Variants in DLG2 observed in about 807,000 individuals in gnomAD.
The protein encoded by DLG2 is disks large homolog 2.
In DLG2, 45 loss-of-function variants were observed where a neutral mutation model predicts 132.5. The ratio of observed to expected loss-of-function variants is 0.34; its 90% CI spans 0.27 to 0.44. The LOEUF (loss-of-function observed/expected upper bound fraction) is 0.44, where lower values mean the gene tolerates loss of function less well. Among genes scored for constraint, DLG2 ranks in the 20% least tolerant of loss-of-function variants. DLG2 has a pLI of 1.00. For synonymous variants in DLG2, 424 were observed against 419.6 expected (o/e 1.01, Z -0.13); for missense variants, 1,045 against 1,196.9 (o/e 0.87, Z 1.87).
chr11:85,547,901 G>A (rs2076429974), intron 3 of DLG2, among the ~76,000 whole-genome samples: 1 of 151,968 alleles, frequency 6.6e-6, no homozygotes, highest in Non-Finnish European at 1.5e-5. Flanking sequence ...CTTTTTCAAG[G>A]TTCTTAGCTT....
At chr11:84,452,792 G>C (rs1397311319) in intron 7 of DLG2, among the ~76,000 whole-genome samples, 1 of 151,576 alleles carries the variant, frequency 6.6e-6, no homozygotes, top group African/African-American at 2.4e-5. Flanking sequence ...CTGGTATGGT[G>C]GTGTGCACCT....
At chr11:83,540,041 A>G (rs2096015748) in intron 20 of DLG2, among the ~76,000 whole-genome samples, 1 of 152,192 alleles carries the variant, frequency 6.6e-6, no homozygotes, top group Admixed American at 6.5e-5. Context: ...TGCCATCTTT[A>G]GGCAGCTCCA....
At chr11:83,957,259 A>T (rs1002893291) in intron 14 of DLG2, among the ~76,000 whole-genome samples, 1 of 152,242 alleles carries the variant, frequency 6.6e-6, no homozygotes, top group African/African-American at 2.4e-5. Flanking sequence ...AAACAATAAG[A>T]GATAAGAAAA....
intron 6 of DLG2, among the ~76,000 whole-genome samples, chr11:84,746,348 G>T (rs530952481): frequency 6.6e-6 from 1 of 151,144 alleles, no homozygotes; most frequent in Non-Finnish European, 1.5e-5. Context: ...ACTGAATAAA[G>T]GTGACAATTA....
chr11:84,520,834 C>A (rs1238312116), intron 7 of DLG2, among the ~76,000 whole-genome samples: 1 of 152,088 alleles, frequency 6.6e-6, no homozygotes, highest in Admixed American at 6.6e-5. Context: ...TTAATTACTT[C>A]CCACAATGTG....
At chr11:84,877,624 C>T (rs2154051234) in intron 6 of DLG2, among the ~76,000 whole-genome samples, 1 of 148,060 alleles carries the variant, frequency 6.8e-6, no homozygotes. Flanking sequence ...CTGAATACAG[C>T]ACACTGATGG....
chr11:83,513,407 C>G (rs1411556903), intron 21 of DLG2, among the ~76,000 whole-genome samples: 1 of 152,140 alleles, frequency 6.6e-6, no homozygotes, highest in Non-Finnish European at 1.5e-5. Flanking sequence ...TGTTGGAGTT[C>G]ATTGTAGATT....
At chr11:84,723,574 T>C (rs1323764595) in intron 6 of DLG2, among the ~76,000 whole-genome samples, 3 of 152,108 alleles carry the variant, frequency 2.0e-5, no homozygotes, top group African/African-American at 7.2e-5. Context: ...TGACAATGCA[T>C]TCCATAGTTA....
At chr11:84,157,403 C>A (rs1043175088) in intron 9 of DLG2, among the ~76,000 whole-genome samples, 1 of 152,168 alleles carries the variant, frequency 6.6e-6, no homozygotes, top group Non-Finnish European at 1.5e-5. Flanking sequence ...TACTCCCTAT[C>A]TGAGAGGCCG....
chr11:85,105,015 G>T (rs1300809334), intron 6 of DLG2, among the ~76,000 whole-genome samples: 1 of 151,714 alleles, frequency 6.6e-6, no homozygotes, highest in Admixed American at 6.6e-5. Context: ...GGAAGCTGGG[G>T]ACACTGAGCA....
chr11:84,459,445 G>A (rs988017931), intron 7 of DLG2, among the ~76,000 whole-genome samples: 3 of 150,500 alleles, frequency 2.0e-5, no homozygotes, highest in African/African-American at 7.3e-5. Flanking sequence ...TTTATTATTT[G>A]GCCATCAATA....
intron 6 of DLG2, among the ~76,000 whole-genome samples, chr11:84,772,454 C>T (rs1282891235): frequency 1.3e-5 from 2 of 152,134 alleles, no homozygotes; most frequent in African/African-American, 4.8e-5. Context: ...ATCTAATAGA[C>T]ATCTACAGAA....
At chr11:83,999,327 G>C (rs1004431957) in intron 11 of DLG2, among the ~76,000 whole-genome samples, 1 of 152,110 alleles carries the variant, frequency 6.6e-6, no homozygotes, top group African/African-American at 2.4e-5. Flanking sequence ...CTCCTCAGCT[G>C]GCACCTACCT....
At chr11:83,525,491 C>T (rs1337865722) in intron 21 of DLG2, among the ~76,000 whole-genome samples, 1 of 152,190 alleles carries the variant, frequency 6.6e-6, no homozygotes, top group Non-Finnish European at 1.5e-5. Flanking sequence ...TAAAACCACA[C>T]TGCATGCAGT....
intron 7 of DLG2, among the ~76,000 whole-genome samples, chr11:84,462,091 C>T (rs1248046042): frequency 6.6e-6 from 1 of 150,954 alleles, no homozygotes; most frequent in African/African-American, 2.4e-5. Context: ...AAAGACTGAA[C>T]TAAATGATCC....
At chr11:83,520,695 GTAGATAGATAGA>G (rs72459775) in intron 21 of DLG2, among the ~76,000 whole-genome samples, 3,791 of 149,120 alleles carry the variant, frequency 0.025, 66 homozygotes, top group Middle Eastern at 0.062. Flanking sequence ...AAGTAGGTAG[GTAGATAGATAGA>G]TAGATAGATA....
At chr11:84,591,870 T>C (rs929009506) in intron 6 of DLG2, among the ~76,000 whole-genome samples, 16 of 152,172 alleles carry the variant, frequency 1.1e-4, no homozygotes, top group African/African-American at 3.9e-4. Flanking sequence ...AATTTATTTT[T>C]TTGGAGACAG....
chr11:85,541,760 T>C lies in DLG2; in HGVS notation c.40+56897A>G, dbSNP rs1393945763. ...AACACTTCAGCCAAATTCTGCATCA[T>C]GAATTCAGTGCCTTTTTACTCCTCT... On this transcript the variant is annotated intron_variant, in intron 3 of 27. Transcript: ENST00000376104. Among the ~76,000 whole-genome samples the C allele has an allele frequency of 2.0e-5, 3 of 152,178 alleles. No homozygotes were observed. In the East Asian group the frequency reaches 5.8e-4, roughly 29 times the overall value.
intron 6 of DLG2, among the ~76,000 whole-genome samples, chr11:84,861,666 C>G (rs1600103989): frequency 9.6e-6 from 1 of 104,076 alleles, no homozygotes; most frequent in African/African-American, 3.8e-5. Context: ...TCAGAGGGAA[C>G]AGGCAACCTA....
Sources: allele counts gnomAD v4.1 joint callset (sites outside exome capture counted in the v4.1 genomes callset), GRCh38; gene constraint gnomAD v4.1.1; transcripts MANE v1.5; gene names NCBI Gene and HGNC (gene_info 2026-07-23, HGNC 2026-07-21).